Variants in MPP7 observed in about 807,000 individuals in gnomAD.
The protein encoded by MPP7 is MAGUK p55 scaffold protein 7.
MPP7 carries 60 observed loss-of-function variants against 76.5 expected under a neutral mutation model. That is an observed-to-expected ratio of 0.78 (90% CI 0.64 to 0.97). The LOEUF (loss-of-function observed/expected upper bound fraction) is 0.97, where lower values mean the gene tolerates loss of function less well. MPP7 is among the 50% of genes least tolerant of loss of function. MPP7 has a pLI of 0.00. For missense variants in MPP7, 641 were observed against 694.0 expected (o/e 0.92, Z 0.86); for synonymous variants, 237 against 244.5 (o/e 0.97, Z 0.29).
chr10:28,291,720 T>A (rs1403934530), intron 1 of MPP7, among the ~76,000 whole-genome samples: 1 of 152,230 alleles, frequency 6.6e-6, no homozygotes. Flanking sequence ...AAAATTTTTT[T>A]AATAAAAGAA....
chr10:28,196,777 TCTCA>T (rs1837597366), intron 3 of MPP7, among the ~76,000 whole-genome samples: 1 of 152,108 alleles, frequency 6.6e-6, no homozygotes, highest in Non-Finnish European at 1.5e-5. Flanking sequence ...AGCCTCCCTC[TCTCA>T]AACTAAAATC....
chr10:28,198,335 G>A (rs1163564161), intron 3 of MPP7, among the ~76,000 whole-genome samples: 2 of 152,108 alleles, frequency 1.3e-5, no homozygotes, highest in Non-Finnish European at 2.9e-5. Context: ...CTAACACTTT[G>A]AGAGTCCGAG....
intron 8 of MPP7, among the ~76,000 whole-genome samples, chr10:28,121,152 T>A (rs1224314671): frequency 3.3e-5 from 5 of 152,014 alleles, no homozygotes; most frequent in Admixed American, 6.6e-5. Context: ...AAAAAAATTT[T>A]AAAAATTAGC....
At chr10:28,151,951 C>T (rs1174974213) in intron 3 of MPP7, among the ~76,000 whole-genome samples, 1 of 152,184 alleles carries the variant, frequency 6.6e-6, no homozygotes, top group Non-Finnish European at 1.5e-5. Flanking sequence ...GTGACTGCTT[C>T]CACTGACTAG....
intron 1 of MPP7, among the ~76,000 whole-genome samples, chr10:28,285,769 T>C (rs1840776688): frequency 6.6e-6 from 1 of 151,864 alleles, no homozygotes; most frequent in Non-Finnish European, 1.5e-5. Context: ...CTGATTACTA[T>C]TTACAGGCAT....
chr10:28,178,255 G>A (rs780767041), intron 3 of MPP7, among the ~76,000 whole-genome samples: 5 of 151,952 alleles, frequency 3.3e-5, no homozygotes, highest in Admixed American at 6.6e-5. Flanking sequence ...CAAATGACCA[G>A]GAAAGGCGAG....
At chr10:28,229,895 A>AAAAAAC (rs201622930) in intron 2 of MPP7, among the ~76,000 whole-genome samples, 25,234 of 150,220 alleles carry the variant, frequency 0.17, 2,414 homozygotes, top group African/African-American at 0.25. Context: ...TCTCAAAAAA[A>AAAAAAC]AAAAACAAAA....
intron 11 of MPP7, among the ~76,000 whole-genome samples, chr10:28,119,251 T>C (rs1456549625): frequency 6.6e-6 from 1 of 152,144 alleles, no homozygotes; most frequent in African/African-American, 2.4e-5. Flanking sequence ...TTGAGCACAA[T>C]TGCTTTTGTA....
chr10:28,170,963 A>C (rs2133866414), intron 3 of MPP7, among the ~76,000 whole-genome samples: 1 of 152,338 alleles, frequency 6.6e-6, no homozygotes, highest in Admixed American at 6.5e-5. Context: ...ATCATATAAT[A>C]GTTACATAAA....
chr10:28,113,676 T>C (rs994684122), intron 11 of MPP7, among the ~76,000 whole-genome samples: 1 of 152,106 alleles, frequency 6.6e-6, no homozygotes, highest in African/African-American at 2.4e-5. Flanking sequence ...AGAGCAGGGC[T>C]AGAGTTTATA....
chr10:28,110,724 C>T (rs1377098333), intron 11 of MPP7, among the ~76,000 whole-genome samples: 1 of 151,998 alleles, frequency 6.6e-6, no homozygotes, highest in African/African-American at 2.4e-5. Context: ...ATATTTTAGG[C>T]CTCTTTCTTG....
intron 1 of MPP7, among the ~76,000 whole-genome samples, chr10:28,291,039 C>T (rs144391748): frequency 2.3e-4 from 35 of 152,202 alleles, no homozygotes; most frequent in African/African-American, 7.7e-4. Context: ...TAACAATGTC[C>T]ATGGAGAAGA....
In MPP7 at chr10:28,319,284, C is replaced by T. The variant is rs115516925; in HGVS notation, c.-132+10645G>A. 5.5e-3 allele frequency among the ~76,000 whole-genome samples: 833 copies of T among 152,326 alleles called. 12 individuals carry two copies. Among genetic ancestry groups the T allele is most frequent in the African/African-American group, 0.02 (814 of 41,564 alleles). On this transcript the variant is annotated intron_variant, in intron 2 of 11. Coordinates refer to the MPP7 transcript ENST00000441595. The stretch of plus-strand genomic sequence containing the variant: ...GAAAATCCACCCCATGATCCAATCA[C>T]CTCCCACCAGGTTCCTCCACCAACA...
chr10:28,146,495 A>C (rs1469340426), intron 5 of MPP7, among the ~76,000 whole-genome samples: 1 of 148,818 alleles, frequency 6.7e-6, no homozygotes, highest in Non-Finnish European at 1.5e-5. Context: ...TCCGCCTCCC[A>C]GGTTCATGCC....
chr10:28,270,917 A>T (rs976788953), intron 1 of MPP7, among the ~76,000 whole-genome samples: 4 of 152,168 alleles, frequency 2.6e-5, no homozygotes, highest in African/African-American at 9.7e-5. Context: ...GGACTGCCCC[A>T]GCCATTTGTT....
In MPP7 at chr10:28,131,604, C is replaced by T; in HGVS notation, c.403G>A (p.Asp135Asn). The T allele has an allele frequency of 6.2e-7, 1 of 1,606,610 alleles. No homozygotes were observed. The highest frequency in any genetic ancestry group is 8.5e-7 in the Non-Finnish European group (1 of 1,175,846). The change falls in exon 6 of 17, where the codon GAC becomes AAC. Residue 135 changes from aspartate (D) to asparagine (N), a missense_variant. By Grantham distance (23) the Asp-to-Asn change is conservative. Transcript: ENST00000683449. ...PMPEDIDDEE[D>N]SVKIIRLVKN... ...ACCAGACGGATTATTTTTACTGAGT[C>T]TTCCTCATCGTCAATATCTTCAGGC...
chr10:28,086,592 A>G, intron 12 of MPP7, among the ~76,000 whole-genome samples: 1 of 152,164 alleles, frequency 6.6e-6, no homozygotes, highest in East Asian at 1.9e-4. Context: ...GTGATATATA[A>G]TTCTGGGAGC....
chr10:28,180,540 C>A (rs562883009), intron 3 of MPP7, among the ~76,000 whole-genome samples: 71 of 152,274 alleles, frequency 4.7e-4, no homozygotes, highest in African/African-American at 1.6e-3. Flanking sequence ...TTAATTTCTA[C>A]ATCACTAAGC....
intron 7 of MPP7, 39 bp from the exon 8 acceptor site, chr10:28,124,155 C>T: frequency 7.4e-7 from 1 of 1,353,288 alleles, no homozygotes; most frequent in South Asian, 1.2e-5. Flanking sequence ...CAGTGTTACC[C>T]ACAACCAAAA....
Sources: allele counts gnomAD v4.1 joint callset (sites outside exome capture counted in the v4.1 genomes callset), GRCh38; gene constraint gnomAD v4.1.1; transcripts MANE v1.5; gene names NCBI Gene and HGNC (gene_info 2026-07-23, HGNC 2026-07-21).